Variants in SOX6 observed in about 807,000 individuals in gnomAD.
SOX6 encodes the protein transcription factor SOX-6.
In SOX6, 11 loss-of-function variants were observed where a neutral mutation model predicts 97.8. That is an observed-to-expected ratio of 0.11 (90% CI 0.07 to 0.19). The LOEUF is 0.19. Ranked by LOEUF, SOX6 falls within the 10% of genes least tolerant of loss-of-function variation. The pLI is 1.00. For synonymous variants in SOX6, 360 were observed against 371.4 expected, an observed-to-expected ratio of 0.97 and a Z score of 0.35; for missense variants, 810 against 1,039.5, an observed-to-expected ratio of 0.78 and a Z score of 3.04.
intron 1 of SOX6, among the ~76,000 whole-genome samples, chr11:16,388,248 T>A (rs1365975289): frequency 1.3e-5 from 2 of 152,182 alleles, no homozygotes; most frequent in Non-Finnish European, 2.9e-5. Context: ...GTTAAACCAA[T>A]CTTGTATTTC....
At chr11:16,268,831 A>T (rs1854158272) in intron 3 of SOX6, among the ~76,000 whole-genome samples, 1 of 151,064 alleles carries the variant, frequency 6.6e-6, no homozygotes, top group Non-Finnish European at 1.5e-5. Flanking sequence ...TAGGAATATT[A>T]GTCCTTTATT....
At chr11:16,630,170 G>C (rs568919421) in intron 3 of SOX6, among the ~76,000 whole-genome samples, 27 of 152,060 alleles carry the variant, frequency 1.8e-4, no homozygotes, top group Non-Finnish European at 5.9e-5. Context: ...GTTCCTGTAG[G>C]TATAATGTTA....
At chr11:16,147,816 T>A (rs1261381051) in intron 6 of SOX6, among the ~76,000 whole-genome samples, 1 of 152,176 alleles carries the variant, frequency 6.6e-6, no homozygotes, top group Non-Finnish European at 1.5e-5. Context: ...CAGATTTAAA[T>A]CTTCTAGTTA....
At chr11:16,052,169 C>T (rs750485227) in intron 10 of SOX6, among the ~76,000 whole-genome samples, 1 of 152,028 alleles carries the variant, frequency 6.6e-6, no homozygotes, top group Non-Finnish European at 1.5e-5. Context: ...CAGTAATTGC[C>T]ACTTTAACCA....
At chr11:16,049,141 T>C (rs191984856) in intron 11 of SOX6, among the ~76,000 whole-genome samples, 93 of 152,200 alleles carry the variant, frequency 6.1e-4, no homozygotes, top group African/African-American at 2.1e-3. Flanking sequence ...AGCTAGAAAA[T>C]GAAGGCTCTC....
At chr11:16,182,402 G>C (rs1197761697) in intron 6 of SOX6, among the ~76,000 whole-genome samples, 1 of 151,718 alleles carries the variant, frequency 6.6e-6, no homozygotes, top group Non-Finnish European at 1.5e-5. Flanking sequence ...CCTACAGAGG[G>C]ATCTACAGAA....
At chr11:16,369,147 C>T (rs900345513) in intron 1 of SOX6, among the ~76,000 whole-genome samples, 1 of 152,036 alleles carries the variant, frequency 6.6e-6, no homozygotes, top group African/African-American at 2.4e-5. Flanking sequence ...GATCATCAGT[C>T]ATTAGGCAAA....
chr11:16,084,327 A>G lies in SOX6; in HGVS notation c.1101+11669T>C, dbSNP rs562679927. On this transcript the variant is annotated intron_variant, in intron 9 of 15. Coordinates refer to ENST00000683767, the MANE Select transcript of SOX6 (RefSeq NM_001367873.1). Reference sequence around the variant, plus strand: ...TATTTCTTCCTCAGACTATTACTATAAGAGGGCAGTAATTTCTTAGCTTCA... The same window carrying G: ...TATTTCTTCCTCAGACTATTACTATGAGAGGGCAGTAATTTCTTAGCTTCA... 3.9e-5 allele frequency among the ~76,000 whole-genome samples: 6 copies of G among 152,170 alleles called. No individual in the cohort carries two copies. The South Asian group carries it at 1.2e-3, about 32-fold the overall frequency.
chr11:16,298,662 G>A (rs565251361), intron 3 of SOX6, among the ~76,000 whole-genome samples: 4 of 151,974 alleles, frequency 2.6e-5, no homozygotes, highest in African/African-American at 4.8e-5. Flanking sequence ...ACAGTCCTTC[G>A]AAGAGATTTT....
At chr11:16,234,474 G>T in intron 4 of SOX6, 108 bp downstream of exon 4, 1 of 681,898 alleles carries the variant, frequency 1.5e-6, no homozygotes, top group Non-Finnish European at 2.6e-6. Flanking sequence ...ACAATCAAAT[G>T]TTACATGTAA....
intron 4 of SOX6, among the ~76,000 whole-genome samples, chr11:16,216,489 T>C (rs1852376470): frequency 6.6e-6 from 1 of 152,072 alleles, no homozygotes; most frequent in Admixed American, 6.6e-5. Flanking sequence ...TAAGAATCAG[T>C]TCATCAGCAG....
intron 2 of SOX6, among the ~76,000 whole-genome samples, chr11:16,719,722 G>C (rs1052524573): frequency 6.6e-6 from 1 of 152,084 alleles, no homozygotes; most frequent in African/African-American, 2.4e-5. Flanking sequence ...CCAGGAGTTC[G>C]AGGCTAGCCT....
upstream of SOX6, among the ~76,000 whole-genome samples, chr11:16,359,630 C>A (rs899912777): frequency 1.3e-5 from 2 of 152,118 alleles, no homozygotes; most frequent in Non-Finnish European, 2.9e-5. Context: ...CTCTCTACCT[C>A]TACGTTCTTT....
At chr11:16,433,095 C>T (rs1001923293) in intron 1 of SOX6, among the ~76,000 whole-genome samples, 5 of 151,988 alleles carry the variant, frequency 3.3e-5, no homozygotes, top group Admixed American at 3.3e-4. Context: ...CCAGACTGAA[C>T]TGCCAAAGAT....
chr11:16,515,342 C>G (rs1239822265), intron 4 of SOX6, among the ~76,000 whole-genome samples: 1 of 150,014 alleles, frequency 6.7e-6, no homozygotes, highest in Non-Finnish European at 1.5e-5. Flanking sequence ...GCATAAATGT[C>G]TTCTTTTGAG....
chr11:16,378,855 C>G (rs1413940248), intron 1 of SOX6, among the ~76,000 whole-genome samples: 1 of 151,886 alleles, frequency 6.6e-6, no homozygotes, highest in East Asian at 1.9e-4. Flanking sequence ...ACTATTTTAG[C>G]ATATAAAGAC....
intron 4 of SOX6, among the ~76,000 whole-genome samples, chr11:16,601,294 G>T (rs1475737242): frequency 6.6e-6 from 1 of 152,056 alleles, no homozygotes; most frequent in Non-Finnish European, 1.5e-5. Flanking sequence ...AAAACATCTT[G>T]CTGTAAGTTA....
chr11:16,351,543 C>T (rs1006130790), intron 1 of SOX6, among the ~76,000 whole-genome samples: 7 of 152,070 alleles, frequency 4.6e-5, no homozygotes, highest in Non-Finnish European at 1.0e-4. Context: ...CCCCTGATGA[C>T]AAAATAAAGT....
chr11:16,329,145 G>A (rs1195491734), intron 2 of SOX6, among the ~76,000 whole-genome samples: 1 of 151,902 alleles, frequency 6.6e-6, no homozygotes, highest in African/African-American at 2.4e-5. Flanking sequence ...AAATAGATTT[G>A]TTACCAATAT....
Sources: gnomAD v4.1 joint callset for allele counts (sites outside exome capture counted in the v4.1 genomes callset) on GRCh38, gnomAD v4.1.1 for gene constraint, MANE v1.5 for transcripts, NCBI Gene and HGNC (gene_info 2026-07-23, HGNC 2026-07-21) for gene names.